The following PPP6R2 variants were observed in gnomAD, a reference collection of about 807,000 sequenced individuals.
The protein encoded by PPP6R2 is protein phosphatase 6 regulatory subunit 2.
PPP6R2 carries 62 observed loss-of-function variants against 100.2 expected under a neutral mutation model. The observed-to-expected ratio is 0.62, with a 90% CI of 0.50 to 0.76. PPP6R2 has a LOEUF of 0.76. PPP6R2 is among the 30% of genes least tolerant of loss of function. The probability of loss-of-function intolerance (pLI) is 0.00; values close to 1 mark genes in which losing one functional copy is unlikely to be tolerated. For missense variants in PPP6R2, 1,142 were observed against 1,276.3 expected (o/e 0.89, Z 1.60); for synonymous variants, 525 against 514.7 (o/e 1.02, Z -0.27).
chr22:50,408,165 G>A (rs967172249), intron 4 of PPP6R2, among the ~76,000 whole-genome samples: 5 of 152,190 alleles, frequency 3.3e-5, no homozygotes, highest in African/African-American at 1.2e-4. Flanking sequence ...GGGACTACAG[G>A]TGTGAGCCAC....
chr22:50,396,307 C>T (rs2148935634), intron 3 of PPP6R2, among the ~76,000 whole-genome samples: 1 of 151,628 alleles, frequency 6.6e-6, no homozygotes, highest in East Asian at 1.9e-4. Flanking sequence ...CCAGCCTGAC[C>T]AACATGGTGA....
chr22:50,349,383 A>C (rs1423817907), intron 1 of PPP6R2, among the ~76,000 whole-genome samples: 1 of 148,586 alleles, frequency 6.7e-6, no homozygotes, highest in East Asian at 2.0e-4. Context: ...AAAAAAAAAA[A>C]ACGGGCTGGA....
In PPP6R2 at chr22:50,434,983, G is replaced by C; in HGVS notation, c.1418G>C (p.Arg473Thr). 1 of 1,605,636 alleles carries C rather than the reference G, an allele frequency of 6.2e-7. No individual in the cohort carries two copies. The highest frequency in any genetic ancestry group is 8.5e-7 in the Non-Finnish European group (1 of 1,177,438). ...NDHTQAAGGM[R>T]RGNMGHLTRI... ...GCTTTCAGGGCAGCGGGTGGCATGA[G>C]ACGTGGGAACATGGGCCACCTCACA... Residue 473 changes from arginine to threonine, a missense_variant, in exon 13 of 24, where the codon AGA becomes ACA. By Grantham distance (71) the Arg-to-Thr change is moderately conservative. Transcript: ENST00000612753.
chr22:50,406,599 C>A, intron 3 of PPP6R2, 90 bp from the exon 4 acceptor site: 1 of 1,251,422 alleles, frequency 8.0e-7, no homozygotes, highest in Non-Finnish European at 1.1e-6. Context: ...TCACGTGGGT[C>A]TGCTTCCTAA....
At chr22:50,399,470 G>T (rs1416798033) in intron 3 of PPP6R2, among the ~76,000 whole-genome samples, 1 of 152,238 alleles carries the variant, frequency 6.6e-6, no homozygotes, top group South Asian at 2.1e-4. Flanking sequence ...GCACTGCCAG[G>T]TTAAACACCG....
Position 50,423,947 on chromosome 22 carries a change from G to A in PPP6R2, c.1125+333G>A, listed in dbSNP as rs928462141. Among the ~76,000 whole-genome samples, 1 of 152,216 alleles carries A rather than the reference G, an allele frequency of 6.6e-6. No individual in the cohort carries two copies. Among genetic ancestry groups the A allele is most frequent in the Non-Finnish European group, 1.5e-5 (1 of 68,042 alleles). ...TGACTGAACAACATAGAACTTACAC[G>A]GTGGTTATTAGGTATAAAATGGCTA... On this transcript the variant is annotated intron_variant, in intron 10 of 23. Coordinates refer to ENST00000612753, the MANE Select transcript of PPP6R2 (RefSeq NM_001242898.2). The surrounding 1 kb of genome is among the most constrained non-coding windows in gnomAD (Gnocchi z 4.8).
At chr22:50,428,756 C>T (rs1375466082) in intron 10 of PPP6R2, among the ~76,000 whole-genome samples, 5 of 151,936 alleles carry the variant, frequency 3.3e-5, no homozygotes, top group African/African-American at 1.2e-4. Context: ...AAAATCATGT[C>T]ATTTGGGAAC....
At position 50,432,876 on chromosome 22, in the gene PPP6R2, G is replaced by A. The variant is rs183368591; in HGVS notation, c.1400+547G>A. On this transcript the variant is annotated intron_variant, in intron 12 of 23. Coordinates refer to ENST00000612753, the MANE Select transcript of PPP6R2 (RefSeq NM_001242898.2). ...GTCTGAGTGCAGCTGTGGGGAAGCA[G>A]AGGCCGAGCTGGGCTGTACAGCATG... 3.2e-4 allele frequency among the ~76,000 whole-genome samples: 49 copies of A among 152,352 alleles called. No individual in the cohort carries two copies. In the East Asian group the frequency reaches 6.8e-3, roughly 21 times the overall value.
chr22:50,345,361 C>A lies in PPP6R2; in HGVS notation c.-148+1811C>A, dbSNP rs1313311570. ...TCAGTTCCCCCCCCCAGTCAGTACA[C>A]CCTCTAGTCAGTTCCCCCAGTCAGT... On this transcript the variant is annotated intron_variant, in intron 1 of 23. Transcript: ENST00000612753. Among the ~76,000 whole-genome samples the A allele has an allele frequency of 1.0e-3, 21 of 20,370 alleles. 1 individual carries two copies. The highest frequency in any genetic ancestry group is 5.6e-3 in the African/African-American group (21 of 3,756). The allele number at this position is 20,370 out of a possible 152,430, so 13.4% of individuals were successfully genotyped here.
At chr22:50,396,743 G>A (rs1008767906) in intron 3 of PPP6R2, among the ~76,000 whole-genome samples, 1 of 152,144 alleles carries the variant, frequency 6.6e-6, no homozygotes, top group African/African-American at 2.4e-5. Context: ...TGTCCCTGTG[G>A]CAGGGGGTGG....
At chr22:50,333,525 G>A in the PPP6R2 span, among the ~76,000 whole-genome samples, 4 of 152,064 alleles carry the variant, frequency 2.6e-5, no homozygotes, top group Non-Finnish European at 5.9e-5. Flanking sequence ...AGTAGAAACA[G>A]GTTTCACCGT....
At chr22:50,439,125 A>G (rs1036160852) in intron 19 of PPP6R2, among the ~76,000 whole-genome samples, 1 of 152,126 alleles carries the variant, frequency 6.6e-6, no homozygotes, top group Non-Finnish European at 1.5e-5. Context: ...GCCGACATCT[A>G]TGGCAGGAGC....
At chr22:50,354,284 G>A (rs759743045) in intron 1 of PPP6R2, among the ~76,000 whole-genome samples, 3 of 152,234 alleles carry the variant, frequency 2.0e-5, no homozygotes, top group Non-Finnish European at 2.9e-5. Context: ...CAGCCTGGGC[G>A]ACGGAGCGAG....
In PPP6R2 at chr22:50,439,971, G is replaced by C. The variant is rs566169578; in HGVS notation, c.2296G>C (p.Gly766Arg). Residue 766 changes from glycine (G) to arginine (R), a missense_variant, in exon 21 of 24, where the codon GGG (glycine) becomes CGG (arginine). Physicochemically the swap from Gly to Arg is moderately radical, Grantham distance 125. Transcript: ENST00000612753. The stretch of plus-strand genomic sequence containing the variant: ...CGTCCTTGTATGCAGCTCCGAGTCA[G>C]GGCCCAGGTGCAGCTCTCCGGTGGA... ...DFQPFCCSES[G>R]PRCSSPVDTE... is the part of the protein sequence containing the mutation. 2 of 1,613,606 alleles carry C rather than the reference G, an allele frequency of 1.2e-6. No individual in the cohort carries two copies. The highest frequency in any genetic ancestry group is 3.3e-5 in the Admixed American group (2 of 59,994).
chr22:50,396,455 A>G (rs1233090020), intron 3 of PPP6R2, among the ~76,000 whole-genome samples: 7 of 150,872 alleles, frequency 4.6e-5, no homozygotes, highest in Non-Finnish European at 8.8e-5. Flanking sequence ...AGATCGCTCC[A>G]CTGCACTCCA....
intron 3 of PPP6R2, among the ~76,000 whole-genome samples, chr22:50,399,968 G>A (rs901066022): frequency 1.3e-5 from 2 of 152,246 alleles, no homozygotes; most frequent in African/African-American, 4.8e-5. Flanking sequence ...GATTATTTGA[G>A]AAATAAGACA....
chr22:50,384,331 A>G (rs978338088), intron 2 of PPP6R2, among the ~76,000 whole-genome samples: 3 of 152,326 alleles, frequency 2.0e-5, no homozygotes, highest in Middle Eastern at 3.4e-3. Context: ...TGAGGTGGGC[A>G]GATCACGAGG....
At chr22:50,401,222 T>G (rs1304211201) in intron 3 of PPP6R2, among the ~76,000 whole-genome samples, 2 of 152,142 alleles carry the variant, frequency 1.3e-5, no homozygotes, top group Non-Finnish European at 2.9e-5. Context: ...TTTATTTTTT[T>G]TTTGAGATGG....
At chr22:50,432,637 T>C (rs1231166227) in intron 12 of PPP6R2, among the ~76,000 whole-genome samples, 1 of 152,234 alleles carries the variant, frequency 6.6e-6, no homozygotes, top group Non-Finnish European at 1.5e-5. Context: ...CCGTTCCTGA[T>C]CTTCCCCAGG....
Sources: gnomAD v4.1 joint callset for allele counts (sites outside exome capture counted in the v4.1 genomes callset) on GRCh38, gnomAD v4.1.1 for gene constraint, Gnocchi (gnomAD v3.1) non-coding constraint, MANE v1.5 for transcripts, NCBI Gene and HGNC (gene_info 2026-07-23, HGNC 2026-07-21) for gene names.